PFKP: variants seen among roughly 807,000 people sequenced by gnomAD.
The protein encoded by PFKP is ATP-dependent 6-phosphofructokinase, platelet type.
In PFKP, 101 loss-of-function variants were observed where a neutral mutation model predicts 94.3. The ratio of observed to expected loss-of-function variants is 1.07; its 90% confidence interval spans 0.91 to 1.26. PFKP has a LOEUF of 1.26. Among genes scored for constraint, PFKP ranks in the 50% most tolerant of loss-of-function variants. The probability of loss-of-function intolerance (pLI) is 0.00; values close to 1 mark genes in which losing one functional copy is unlikely to be tolerated. For synonymous variants in PFKP, 573 were observed against 432.6 expected, an observed-to-expected ratio of 1.32 and a Z score of -4.03; for missense variants, 1,145 against 1,103.3, an observed-to-expected ratio of 1.04 and a Z score of -0.53.
intron 11 of PFKP, among the ~76,000 whole-genome samples, 179 bp from the exon 12 acceptor site, chr10:3,112,940 C>T (rs1472186587): frequency 6.6e-6 from 1 of 152,260 alleles, no homozygotes; most frequent in East Asian, 1.9e-4. Flanking sequence ...ACACGGACAG[C>T]ACCGCGGGTC....
Position 3,113,103 on chromosome 10 carries a change from C to G in PFKP, c.1155-16C>G, listed in dbSNP as rs1431819466. The G allele has an allele frequency of 1.9e-6, 3 of 1,610,592 alleles. No individual in the cohort carries two copies. In the African/African-American group the frequency reaches 4.0e-5, roughly 22 times the overall value. ...GGTATTCTCGACTCCGGTCCAACGA[C>G]ACCCTTTTCCTTTAGGAGCTTTGCG... On this transcript the variant is annotated splice_polypyrimidine_tract_variant and intron_variant, in intron 11 of 21. Coordinates refer to ENST00000381125, the MANE Select transcript of PFKP (RefSeq NM_002627.5).
intron 2 of PFKP, 36 bp downstream of exon 2, chr10:3,082,497 T>G: frequency 6.6e-7 from 1 of 1,514,586 alleles, no homozygotes; most frequent in Non-Finnish European, 9.1e-7. Flanking sequence ...TCGCCCTTCT[T>G]CCACCTGCCC....
At chr10:3,126,845 C>A (rs1161992564) in intron 16 of PFKP, among the ~76,000 whole-genome samples, 2 of 152,274 alleles carry the variant, frequency 1.3e-5, no homozygotes, top group African/African-American at 2.4e-5. Context: ...GCAGCAGGAT[C>A]GCCTCTGCGT....
At chr10:3,087,925 A>C (rs1833725773) in intron 2 of PFKP, among the ~76,000 whole-genome samples, 2 of 149,742 alleles carry the variant, frequency 1.3e-5, no homozygotes, top group South Asian at 2.1e-4. Context: ...TAAATGTTGA[A>C]TCCATTTATG....
intron 13 of PFKP, among the ~76,000 whole-genome samples, chr10:3,116,431 C>T (rs1326985088): frequency 6.6e-6 from 1 of 152,150 alleles, no homozygotes; most frequent in African/African-American, 2.4e-5. Context: ...AGAAATTTTC[C>T]CTTAATCTTT....
At chr10:3,117,179 G>A (rs574288069) in intron 14 of PFKP, among the ~76,000 whole-genome samples, 13 of 152,322 alleles carry the variant, frequency 8.5e-5, no homozygotes, top group African/African-American at 2.6e-4. Context: ...CGTGGAGATG[G>A]CACTCTAAGC....
intron 4 of PFKP, among the ~76,000 whole-genome samples, chr10:3,101,789 G>A (rs1356938019): frequency 6.6e-6 from 1 of 152,200 alleles, no homozygotes; most frequent in African/African-American, 2.4e-5. Flanking sequence ...ATAGCTTTAT[G>A]GAATCCTCAC....
At chr10:3,110,345 C>G (rs1278986827) in intron 10 of PFKP, among the ~76,000 whole-genome samples, 1 of 151,160 alleles carries the variant, frequency 6.6e-6, no homozygotes, top group Non-Finnish European at 1.5e-5. Flanking sequence ...ACTACAGGTG[C>G]CCACCACCAC....
chr10:3,111,130 T>G (rs966252811), intron 10 of PFKP, among the ~76,000 whole-genome samples: 1 of 151,080 alleles, frequency 6.6e-6, no homozygotes, highest in African/African-American at 2.4e-5. Context: ...ATGTTTGAGA[T>G]AGTGTGTGCA....
At chr10:3,123,961 T>C (rs1354353281) in intron 16 of PFKP, among the ~76,000 whole-genome samples, 1 of 150,378 alleles carries the variant, frequency 6.6e-6, no homozygotes, top group Non-Finnish European at 1.5e-5. Flanking sequence ...CACCCAGCAC[T>C]GACCCCGTTC....
rs192089119 is a variant in PFKP, at chr10:3,089,398, T to G, written c.186+6937T>G. On this transcript the variant is annotated intron_variant, in intron 2 of 21. Coordinates refer to ENST00000381125, the MANE Select transcript of PFKP (RefSeq NM_002627.5). ...CTGATTCCACACTGGGCTGTTGTGA[T>G]GGGGAGTGAATGTAGGAGTGCGGAG... Among the ~76,000 whole-genome samples the G allele has an allele frequency of 5.3e-5, 8 of 152,264 alleles. No homozygotes were observed. In the East Asian group the frequency reaches 1.5e-3, roughly 29 times the overall value.
intron 1 of PFKP, among the ~76,000 whole-genome samples, chr10:3,074,963 G>A (rs1426020885): frequency 2.0e-5 from 3 of 152,154 alleles, no homozygotes; most frequent in Admixed American, 6.5e-5. Context: ...ATTTACCCAC[G>A]TGTTTATTAA....
intron 2 of PFKP, among the ~76,000 whole-genome samples, chr10:3,082,965 C>T (rs1365388795): frequency 1.3e-5 from 2 of 152,166 alleles, no homozygotes; most frequent in Non-Finnish European, 2.9e-5. Flanking sequence ...CCCGCCTTGG[C>T]CTCCCAAAGT....
intron 2 of PFKP, among the ~76,000 whole-genome samples, chr10:3,085,974 C>G (rs1318576693): frequency 6.6e-6 from 1 of 151,880 alleles, no homozygotes. Flanking sequence ...GTTCCCTCTG[C>G]CTTTTTTTGG....
chr10:3,113,111 T>C lies in PFKP; in HGVS notation c.1155-8T>C, dbSNP rs1227789962. 1.2e-6 allele frequency: 2 copies of C among 1,611,936 alleles called. No homozygotes were observed. The highest frequency in any genetic ancestry group is 2.2e-5 in the East Asian group (1 of 44,808). ...CGACTCCGGTCCAACGACACCCTTT[T>C]CCTTTAGGAGCTTTGCGGGCAACCT... On this transcript the variant is annotated splice_polypyrimidine_tract_variant and splice_region_variant and intron_variant, in intron 11 of 21. Transcript: ENST00000381125.
intron 1 of PFKP, among the ~76,000 whole-genome samples, chr10:3,077,937 T>C (rs1352329776): frequency 6.6e-6 from 1 of 152,248 alleles, no homozygotes; most frequent in Admixed American, 6.5e-5. Context: ...AACTGGGATT[T>C]TTGCAAATTA....
At chr10:3,088,301 C>G (rs1362182736) in intron 2 of PFKP, among the ~76,000 whole-genome samples, 1 of 151,992 alleles carries the variant, frequency 6.6e-6, no homozygotes, top group Non-Finnish European at 1.5e-5. Context: ...CAGCTTCATC[C>G]ATGTCCCTAC....
At position 3,132,421 on chromosome 10, in the gene PFKP, C is replaced by T; in HGVS notation, c.1890C>T (p.Ile630=). The change falls in exon 18 of 22, where the codon ATC becomes ATT. Residue 630 remains isoleucine (I), a synonymous_variant. Transcript: ENST00000381125. ...EHLTEKMKTT[I]QRGLVLRNES... ...TGACGGAGAAAATGAAGACCACCAT[C>T]CAGAGAGGCCTTGTGCTCAGGTGAG... 6.2e-7 allele frequency: 1 copy of T among 1,611,216 alleles called. No individual in the cohort carries two copies. The highest frequency in any genetic ancestry group is 8.5e-7 in the Non-Finnish European group (1 of 1,177,382).
At chr10:3,107,927 G>A in intron 8 of PFKP, 1 of 1,289,684 alleles carries the variant, frequency 7.8e-7, no homozygotes, top group South Asian at 1.2e-5. Flanking sequence ...GGGATGGGCT[G>A]TGGCTCCAGC....
Sources: gnomAD v4.1 joint callset for allele counts (sites outside exome capture counted in the v4.1 genomes callset) on GRCh38, gnomAD v4.1.1 for gene constraint, MANE v1.5 for transcripts, NCBI Gene and HGNC (gene_info 2026-07-23, HGNC 2026-07-21) for gene names.